The following UBE2E1 variants were observed in gnomAD, a reference collection of about 807,000 sequenced individuals.
UBE2E1 encodes the protein ubiquitin conjugating enzyme E2 E1.
A neutral mutation model predicts 21.4 loss-of-function variants in UBE2E1; 6 were observed. The observed-to-expected ratio is 0.28, with a 90% CI of 0.15 to 0.55. UBE2E1 has a LOEUF of 0.55. UBE2E1 is among the 20% of genes least tolerant of loss of function. The pLI, the probability that UBE2E1 is intolerant of heterozygous loss-of-function variation, is 0.93. For synonymous variants in UBE2E1, 87 were observed against 82.7 expected, an observed-to-expected ratio of 1.05 and a Z score of -0.28; for missense variants, 142 against 236.5, an observed-to-expected ratio of 0.60 and a Z score of 2.62.
intron 3 of UBE2E1, among the ~76,000 whole-genome samples, chr3:23,824,435 C>T (rs1699710085): frequency 6.6e-6 from 1 of 152,178 alleles, no homozygotes. Context: ...GTTTTACTTT[C>T]TCCTCTTTTC....
Position 23,891,112 on chromosome 3 carries a change from G to A in UBE2E1, c.*506G>A, listed in dbSNP as rs558574812. On this transcript the variant is annotated 3_prime_UTR_variant, in exon 6 of 6. Coordinates refer to ENST00000306627, the MANE Select transcript of UBE2E1 (RefSeq NM_003341.5). ...ACACCATATAAGAGATGAGTAGTGC[G>A]TTTTATTTTATATGCCAATCTACTT... is the stretch of plus-strand genomic sequence containing the variant. 2.6e-5 allele frequency: 4 copies of A among 152,698 alleles called. No homozygotes were observed. Among genetic ancestry groups the A allele is most frequent in the Admixed American group, 2.0e-4 (3 of 15,292 alleles). The allele number at this position is 152,698 out of a possible 1,614,324, so 9.5% of individuals were successfully genotyped here.
chr3:23,877,867 A>G (rs771553325), intron 3 of UBE2E1, among the ~76,000 whole-genome samples: 2 of 152,164 alleles, frequency 1.3e-5, no homozygotes, highest in Non-Finnish European at 2.9e-5. Flanking sequence ...CTATGAGATA[A>G]TATCAGGAAT....
rs891885764 is a variant in UBE2E1 at position 23,810,707 on chromosome 3, G to A, written c.153-753G>A. ...CAAGGTTCTGGGCGCCGGGAGAGGAGAGCTGGGGCGGCGCGGAGCAGCCCC... is the reference window on the plus strand; with the variant it reads ...CAAGGTTCTGGGCGCCGGGAGAGGAAAGCTGGGGCGGCGCGGAGCAGCCCC... On this transcript the variant is annotated intron_variant, in intron 2 of 5. Transcript: ENST00000306627. The surrounding 1 kb of genome is among the most constrained non-coding windows in gnomAD (Gnocchi z 5.8). The A allele has an allele frequency of 7.5e-6, 4 of 530,472 alleles. No individual in the cohort carries two copies. The African/African-American group carries it at 8.2e-5, about 11-fold the overall frequency. 32.9% of individuals were successfully genotyped at this position (530,472 alleles called of 1,614,324 possible). A position where few individuals can be genotyped will look rare whatever the true frequency, so the allele number is the denominator to read the frequency against.
chr3:23,884,230 AG>A (rs1232034574), intron 3 of UBE2E1, among the ~76,000 whole-genome samples: 1 of 53,114 alleles, frequency 1.9e-5, no homozygotes, highest in African/African-American at 1.9e-4. Flanking sequence ...AATTGCAAAC[AG>A]ATTAGAGAGA....
chr3:23,861,089 C>T (rs557754925), intron 3 of UBE2E1, among the ~76,000 whole-genome samples: 1 of 152,262 alleles, frequency 6.6e-6, no homozygotes, highest in South Asian at 2.1e-4. Flanking sequence ...GTTTGCATTC[C>T]CTTCTGCTCC....
intron 3 of UBE2E1, among the ~76,000 whole-genome samples, chr3:23,878,755 G>T (rs543354807): frequency 6.6e-6 from 1 of 152,290 alleles, no homozygotes; most frequent in South Asian, 2.1e-4. Flanking sequence ...CCCCCACATG[G>T]GACTGTCTAG....
chr3:23,810,387 A>C lies in UBE2E1; in HGVS notation c.153-1073A>C. 3.3e-6 allele frequency: 5 copies of C among 1,514,742 alleles called. No individual in the cohort carries two copies. Among genetic ancestry groups the C allele is most frequent in the Non-Finnish European group, 4.4e-6 (5 of 1,129,262 alleles). The allele number at this position is 1,514,742 out of a possible 1,614,324, so 93.8% of individuals were successfully genotyped here. A position where few individuals can be genotyped will look rare whatever the true frequency, so the allele number is the denominator to read the frequency against. ...GGTGGCTTCGGCCTATGAGTGGGGGATGGGGCCCTTTGTGAAGTCGAGGGT... is the reference window on the plus strand; with the variant it reads ...GGTGGCTTCGGCCTATGAGTGGGGGCTGGGGCCCTTTGTGAAGTCGAGGGT... On this transcript the variant is annotated intron_variant, in intron 2 of 5. Coordinates refer to ENST00000306627, the MANE Select transcript of UBE2E1 (RefSeq NM_003341.5). The surrounding 1 kb of genome is among the most constrained non-coding windows in gnomAD (Gnocchi z 5.8).
At chr3:23,874,273 G>A (rs964299241) in intron 3 of UBE2E1, among the ~76,000 whole-genome samples, 1 of 152,172 alleles carries the variant, frequency 6.6e-6, no homozygotes, top group Non-Finnish European at 1.5e-5. Flanking sequence ...AACTTTCTTT[G>A]TGACACTCTT....
chr3:23,875,907 G>T (rs566449288), intron 3 of UBE2E1, among the ~76,000 whole-genome samples: 72 of 152,308 alleles, frequency 4.7e-4, no homozygotes, highest in African/African-American at 1.6e-3. Flanking sequence ...TGAGTAGCTG[G>T]GATTACAGGC....
intron 3 of UBE2E1, among the ~76,000 whole-genome samples, chr3:23,824,640 G>A (rs766053365): frequency 9.2e-5 from 14 of 152,168 alleles, no homozygotes; most frequent in East Asian, 1.9e-4. Context: ...ACATTTACTC[G>A]TTGTCCTTTG....
chr3:23,880,386 AAAT>A (rs1308689981), intron 3 of UBE2E1, among the ~76,000 whole-genome samples: 1 of 152,098 alleles, frequency 6.6e-6, no homozygotes, highest in African/African-American at 2.4e-5. Context: ...TCTGTCTTAA[AAAT>A]AATAATAATG....
intron 3 of UBE2E1, among the ~76,000 whole-genome samples, chr3:23,827,424 A>G (rs1327880457): frequency 6.6e-6 from 1 of 152,226 alleles, no homozygotes; most frequent in Non-Finnish European, 1.5e-5. Context: ...TGGAGATTTT[A>G]AAAATAGGAT....
intron 3 of UBE2E1, among the ~76,000 whole-genome samples, chr3:23,821,428 G>A (rs774978741): frequency 8.5e-5 from 13 of 152,232 alleles, no homozygotes; most frequent in Admixed American, 2.0e-4. Context: ...ACCGTGCTAA[G>A]TAGAGAGTTT....
Position 23,887,371 on chromosome 3 carries a change from C to A in UBE2E1, c.204-196C>A, listed in dbSNP as rs1701212014. On this transcript the variant is annotated intron_variant, in intron 3 of 5. Transcript: ENST00000306627. This position sits in a 1 kb window ranked among gnomAD's most constrained non-coding sequence, Gnocchi z 4.4. ...GTAGGCTTAGAATGGTTTTAACATT[C>A]TTTTATCATCCAGTTTGCTTGACCA... 6.6e-6 allele frequency among the ~76,000 whole-genome samples: 1 copy of A among 152,166 alleles called. No homozygotes were observed. The highest frequency in any genetic ancestry group is 2.1e-4 in the South Asian group (1 of 4,828).
At chr3:23,865,912 T>C (rs1363661188) in intron 3 of UBE2E1, among the ~76,000 whole-genome samples, 1 of 152,182 alleles carries the variant, frequency 6.6e-6, no homozygotes, top group Non-Finnish European at 1.5e-5. Context: ...TGGGCCTCTT[T>C]AGCTGCTGCT....
intron 3 of UBE2E1, among the ~76,000 whole-genome samples, chr3:23,885,662 AC>A (rs1354917933): frequency 1.3e-5 from 2 of 152,094 alleles, no homozygotes; most frequent in African/African-American, 4.8e-5. Flanking sequence ...GGAGTTCAAG[AC>A]CAGCCTGACC....
chr3:23,850,837 C>CTTTTTTTTTTT (rs71057628), intron 3 of UBE2E1, among the ~76,000 whole-genome samples: 2 of 128,414 alleles, frequency 1.6e-5, no homozygotes, highest in African/African-American at 5.7e-5. Context: ...CCACACCCAG[C>CTTTTTTTTTTT]TTTTTTTTTT....
At chr3:23,809,478 C>T (rs900484978) in intron 2 of UBE2E1, among the ~76,000 whole-genome samples, 1 of 152,122 alleles carries the variant, frequency 6.6e-6, no homozygotes, top group East Asian at 1.9e-4. Context: ...GTTTCTAAAC[C>T]GTGGGTAGAG....
Position 23,887,759 on chromosome 3 carries a change from G to A in UBE2E1, c.336+60G>A. ...TTCCCACAAGAGAGCAACTGTTGAG[G>A]TTTTTCTAAATTTAATTTTTAATCA... On this transcript the variant is annotated intron_variant, in intron 4 of 5. Coordinates refer to ENST00000306627, the MANE Select transcript of UBE2E1 (RefSeq NM_003341.5). This position sits in a 1 kb window ranked among gnomAD's most constrained non-coding sequence, Gnocchi z 4.4. 2.6e-6 allele frequency: 4 copies of A among 1,543,960 alleles called. No individual in the cohort carries two copies. Among genetic ancestry groups the A allele is most frequent in the Non-Finnish European group, 3.5e-6 (4 of 1,151,804 alleles).
Sources: allele counts gnomAD v4.1 joint callset (sites outside exome capture counted in the v4.1 genomes callset), GRCh38; gene constraint gnomAD v4.1.1; non-coding constraint Gnocchi (gnomAD v3.1); transcripts MANE v1.5; gene names NCBI Gene and HGNC (gene_info 2026-07-23, HGNC 2026-07-21).